SCEL: variants seen among roughly 807,000 people sequenced by gnomAD.
The protein encoded by SCEL is sciellin.
A neutral mutation model predicts 117.6 loss-of-function variants in SCEL; 113 were observed. That is an observed-to-expected ratio of 0.96 (90% CI 0.83 to 1.12). The LOEUF is 1.12. Among genes scored for constraint, SCEL ranks in the 50% most tolerant of loss-of-function variants. The probability of loss-of-function intolerance (pLI) is 0.00; values close to 1 mark genes in which losing one functional copy is unlikely to be tolerated. For synonymous variants in SCEL, 270 were observed against 256.2 expected (o/e 1.05, Z -0.51); for missense variants, 785 against 810.8 (o/e 0.97, Z 0.39).
At chr13:77,601,617 C>G (rs1454988390) in intron 15 of SCEL, among the ~76,000 whole-genome samples, 1 of 152,198 alleles carries the variant, frequency 6.6e-6, no homozygotes, top group Non-Finnish European at 1.5e-5. Flanking sequence ...ACCCTTTAAA[C>G]ACATCTGCTA....
intron 7 of SCEL, 39 bp from the exon 8 acceptor site, chr13:77,569,332 T>G: frequency 6.6e-7 from 1 of 1,522,548 alleles, no homozygotes; most frequent in Non-Finnish European, 9.1e-7. Flanking sequence ...ATGAAAAAGT[T>G]TGAGAGTGGG....
At chr13:77,545,767 G>A (rs1256684874) in intron 1 of SCEL, among the ~76,000 whole-genome samples, 1 of 152,264 alleles carries the variant, frequency 6.6e-6, no homozygotes, top group Non-Finnish European at 1.5e-5. Flanking sequence ...GGAAGAGGTT[G>A]TGTGAAAGAT....
chr13:77,583,457 C>A (rs1254905517), intron 9 of SCEL, among the ~76,000 whole-genome samples: 1 of 152,194 alleles, frequency 6.6e-6, no homozygotes, highest in East Asian at 1.9e-4. Context: ...TCTTCGAAGG[C>A]ATGGACTACA....
At chr13:77,604,686 T>A (rs1475340859) in intron 19 of SCEL, among the ~76,000 whole-genome samples, 1 of 152,222 alleles carries the variant, frequency 6.6e-6, no homozygotes. Flanking sequence ...AATGATTTAT[T>A]TCTTTGTATG....
intron 1 of SCEL, among the ~76,000 whole-genome samples, chr13:77,546,968 A>G (rs1489023831): frequency 6.6e-6 from 1 of 152,206 alleles, no homozygotes; most frequent in Admixed American, 6.5e-5. Flanking sequence ...TATTCTTCCC[A>G]GGGACTTCCA....
At chr13:77,541,565 T>C (rs890517484) in intron 1 of SCEL, among the ~76,000 whole-genome samples, 8 of 152,202 alleles carry the variant, frequency 5.3e-5, no homozygotes, top group African/African-American at 1.9e-4. Context: ...GTTACATTGA[T>C]AAATAAAATG....
chr13:77,590,345 C>T (rs1022193607), intron 10 of SCEL, among the ~76,000 whole-genome samples: 4 of 152,094 alleles, frequency 2.6e-5, no homozygotes, highest in African/African-American at 9.7e-5. Context: ...TATTTCTTCA[C>T]TGAACTAATT....
At chr13:77,567,623 A>C (rs930155316) in intron 5 of SCEL, 57 bp from the exon 6 acceptor site, 88 of 1,221,432 alleles carry the variant, frequency 7.2e-5, no homozygotes, top group Non-Finnish European at 1.0e-4. Context: ...AAATGGTCTG[A>C]AAGGAGTTTG....
chr13:77,610,487 G>T (rs375743379), intron 22 of SCEL, among the ~76,000 whole-genome samples: 1 of 149,680 alleles, frequency 6.7e-6, no homozygotes, highest in South Asian at 2.1e-4. Flanking sequence ...GCATTGTCCC[G>T]CCATAGAGAC....
rs115031276 is a variant in SCEL at position 77,542,443 on chromosome 13, A to G, written c.-20+6619A>G. 6.0e-3 allele frequency among the ~76,000 whole-genome samples: 916 copies of G among 152,242 alleles called. 4 individuals are homozygous for G. The highest frequency in any genetic ancestry group is 0.021 in the African/African-American group (860 of 41,552). ...CAAACCCCAGAATCAACAGTGAGAA[A>G]ATTGTATGGTAGGGGCTTTCATTTG... On this transcript the variant is annotated intron_variant, in intron 1 of 32. Coordinates refer to ENST00000349847, the MANE Select transcript of SCEL (RefSeq NM_144777.3).
At position 77,589,196 on chromosome 13, in the gene SCEL, TCTCCTAACCAG is replaced by T. The variant is rs748344378; in HGVS notation, c.601_611del (p.Pro201GlufsTer4). 6.2e-7 allele frequency: 1 copy of T among 1,612,866 alleles called. No individual in the cohort carries two copies. The highest frequency in any genetic ancestry group is 1.1e-5 in the South Asian group (1 of 91,036). On this transcript the variant is annotated frameshift_variant, in exon 10 of 33. Transcript: ENST00000349847. LOFTEE classifies it high-confidence loss of function. ...TCCAAAGCCCAGTTCTCCTGTTTCT[TCTCCTAACCAG>T]CTGAGACAGGATAATAGGTAAGACC...
Position 77,644,389 on chromosome 13 carries a change from C to A in SCEL, c.*115C>A. The stretch of plus-strand genomic sequence containing the variant: ...TTCACATTGAAGATCAACTCTTGTA[C>A]AAAATTAACAATTCTGTTATTGCAT... On this transcript the variant is annotated 3_prime_UTR_variant, in exon 33 of 33. Transcript: ENST00000349847. 1 of 1,019,946 alleles carries A rather than the reference C, an allele frequency of 9.8e-7. No individual in the cohort carries two copies. The highest frequency in any genetic ancestry group is 1.5e-6 in the Non-Finnish European group (1 of 676,500). 63.2% of individuals were successfully genotyped at this position (1,019,946 alleles called of 1,614,324 possible).
intron 31 of SCEL, among the ~76,000 whole-genome samples, chr13:77,641,982 A>G (rs1423020144): frequency 6.6e-6 from 1 of 152,200 alleles, no homozygotes; most frequent in Non-Finnish European, 1.5e-5. Context: ...AACTTAGTCT[A>G]TAGTTTTTTA....
At chr13:77,632,999 T>G (rs913869600) in intron 28 of SCEL, among the ~76,000 whole-genome samples, 7 of 152,216 alleles carry the variant, frequency 4.6e-5, no homozygotes, top group Admixed American at 1.3e-4. Context: ...GGAACCAATT[T>G]CAGATGATTT....
At chr13:77,580,251 T>C (rs149757222) in intron 9 of SCEL, among the ~76,000 whole-genome samples, 1 of 152,334 alleles carries the variant, frequency 6.6e-6, no homozygotes, top group Non-Finnish European at 1.5e-5. Flanking sequence ...AGAGCCATGT[T>C]CCCCTCTTCC....
At chr13:77,586,315 T>G (rs1594031080) in intron 9 of SCEL, among the ~76,000 whole-genome samples, 1 of 152,152 alleles carries the variant, frequency 6.6e-6, no homozygotes, top group Admixed American at 6.6e-5. Flanking sequence ...CCCTACAAAA[T>G]TACAAGACTT....
At chr13:77,583,330 G>T (rs1397809101) in intron 9 of SCEL, among the ~76,000 whole-genome samples, 1 of 152,164 alleles carries the variant, frequency 6.6e-6, no homozygotes, top group Non-Finnish European at 1.5e-5. Context: ...TAGATCTCTA[G>T]AATTCTAGTC....
chr13:77,568,279 C>T lies in SCEL; in HGVS notation c.360-16C>T. The stretch of plus-strand genomic sequence containing the variant: ...TTCTTCATTGTTCAAACTTTGCTTT[C>T]TTTCTCTCTTACCAGGAGCATGTCC... On this transcript the variant is annotated splice_polypyrimidine_tract_variant and intron_variant, in intron 6 of 32. Transcript: ENST00000349847. 1 of 1,537,466 alleles carries T rather than the reference C, an allele frequency of 6.5e-7. No homozygotes were observed. The highest frequency in any genetic ancestry group is 1.2e-5 in the South Asian group (1 of 85,340).
At chr13:77,595,553 T>C (rs2087175182) in intron 12 of SCEL, among the ~76,000 whole-genome samples, 1 of 152,164 alleles carries the variant, frequency 6.6e-6, no homozygotes, top group South Asian at 2.1e-4. Context: ...CAACTCCAAA[T>C]CCTGATAATC....
Sources: allele counts gnomAD v4.1 joint callset (sites outside exome capture counted in the v4.1 genomes callset), GRCh38; gene constraint gnomAD v4.1.1; transcripts MANE v1.5; gene names NCBI Gene and HGNC (gene_info 2026-07-23, HGNC 2026-07-21).